Variants in DIRAS2 observed in about 807,000 individuals in gnomAD.
DIRAS2 encodes GTP-binding protein Di-Ras2.
DIRAS2 carries 5 observed loss-of-function variants against 13.9 expected under a neutral mutation model. The ratio of observed to expected loss-of-function variants is 0.36; its 90% confidence interval spans 0.19 to 0.76. The LOEUF (loss-of-function observed/expected upper bound fraction) is 0.76. Among genes scored for constraint, DIRAS2 ranks in the 30% least tolerant of loss-of-function variants. The probability of loss-of-function intolerance (pLI) is 0.53; values close to 1 mark genes in which losing one functional copy is unlikely to be tolerated. For missense variants in DIRAS2, 191 were observed against 263.0 expected (o/e 0.73, Z 1.89); for synonymous variants, 111 against 105.4 (o/e 1.05, Z -0.33).
intron 1 of DIRAS2, among the ~76,000 whole-genome samples, chr9:90,627,961 T>C (rs901074980): frequency 1.3e-5 from 2 of 151,952 alleles, no homozygotes; most frequent in Admixed American, 6.6e-5. Flanking sequence ...CAAACCACCA[T>C]GGCACGTGTA....
Position 90,613,640 on chromosome 9 carries a change from G to A in DIRAS2, c.188C>T (p.Thr63Met), listed in dbSNP as rs775534494. ...SICTLQITDT[T>M]GSHQFPAMQR... is the part of the protein sequence containing the mutation. ...CATGGCCGGGAACTGGTGGCTCCCC[G>A]TCGTGTCGGTGATCTGCAATGTGCA... The change falls in exon 2 of 2, where the codon ACG becomes ATG. Residue 63 changes from threonine to methionine, a missense_variant. Coordinates refer to ENST00000375765, the MANE Select transcript of DIRAS2 (RefSeq NM_017594.5). This position sits in a 1 kb window ranked among gnomAD's most constrained non-coding sequence, Gnocchi z 5.6. 2 of 1,614,146 alleles carry A rather than the reference G, an allele frequency of 1.2e-6. No individual in the cohort carries two copies. The highest frequency in any genetic ancestry group is 1.7e-6 in the Non-Finnish European group (2 of 1,180,016).
rs1825115287 is a variant in DIRAS2 at position 90,611,698 on chromosome 9, C to G, written c.*1530G>C. On this transcript the variant is annotated 3_prime_UTR_variant, in exon 2 of 2. Coordinates refer to ENST00000375765, the MANE Select transcript of DIRAS2 (RefSeq NM_017594.5). ...CCACCCAACAGCCATGCAGCCCCCA[C>G]CCCCCCAGGCAGGCCCACGTGGGAC... is the stretch of plus-strand genomic sequence containing the variant. The G allele has an allele frequency of 6.6e-6, 1 of 152,174 alleles. No homozygotes were observed. Among genetic ancestry groups the G allele is most frequent in the African/African-American group, 2.4e-5 (1 of 41,402 alleles). 9.4% of individuals were successfully genotyped at this position (152,174 alleles called of 1,614,324 possible). A position where few individuals can be genotyped will look rare whatever the true frequency, so the allele number is the denominator to read the frequency against.
intron 1 of DIRAS2, among the ~76,000 whole-genome samples, chr9:90,637,427 A>G (rs1321322856): frequency 6.6e-6 from 1 of 152,224 alleles, no homozygotes; most frequent in Non-Finnish European, 1.5e-5. Flanking sequence ...GAACTGCAGA[A>G]TCAAACGGTA....
intron 1 of DIRAS2, among the ~76,000 whole-genome samples, chr9:90,614,579 T>A (rs991355097): frequency 1.3e-5 from 2 of 152,114 alleles, no homozygotes; most frequent in African/African-American, 2.4e-5. Flanking sequence ...ATTGTGGATG[T>A]CAATGCCCAT....
chr9:90,640,697 G>T (rs928058051), intron 1 of DIRAS2, among the ~76,000 whole-genome samples: 2 of 152,116 alleles, frequency 1.3e-5, no homozygotes, highest in African/African-American at 4.8e-5. Context: ...TGAGAATTGG[G>T]GATGGTTGTT....
intron 1 of DIRAS2, among the ~76,000 whole-genome samples, chr9:90,627,553 G>C (rs1445750168): frequency 6.6e-6 from 1 of 152,200 alleles, no homozygotes; most frequent in African/African-American, 2.4e-5. Context: ...TGTTTCATGA[G>C]TATGGAGTTT....
chr9:90,615,933 C>G (rs935718656), intron 1 of DIRAS2, among the ~76,000 whole-genome samples: 2 of 152,236 alleles, frequency 1.3e-5, no homozygotes, highest in African/African-American at 4.8e-5. Context: ...GGAATCTAAT[C>G]TTAAGCTTCT....
At chr9:90,619,738 T>G (rs1395777359) in intron 1 of DIRAS2, among the ~76,000 whole-genome samples, 2 of 152,124 alleles carry the variant, frequency 1.3e-5, no homozygotes, top group African/African-American at 2.4e-5. Flanking sequence ...ACACAAAAAT[T>G]TATACAATGA....
rs115116010 is a variant in DIRAS2, at chr9:90,610,067, A to G, written c.*3161T>C. On this transcript the variant is annotated 3_prime_UTR_variant, in exon 2 of 2. Coordinates refer to ENST00000375765, the MANE Select transcript of DIRAS2 (RefSeq NM_017594.5). The stretch of plus-strand genomic sequence containing the variant: ...TGTATACACACTGTCCTTGTGGGGT[A>G]TGAATTCCAGGATGTGTCTTCAAGG... The G allele has an allele frequency of 6.7e-4, 135 of 201,520 alleles. No homozygotes were observed. Among genetic ancestry groups the G allele is most frequent in the African/African-American group, 3.0e-3 (131 of 43,698 alleles). The allele number at this position is 201,520 out of a possible 1,614,324, so 12.5% of individuals were successfully genotyped here. A position where few individuals can be genotyped will look rare whatever the true frequency, so the allele number is the denominator to read the frequency against.
Position 90,637,605 on chromosome 9 carries a change from C to T in DIRAS2, c.-37+5147G>A, listed in dbSNP as rs182042577. On this transcript the variant is annotated intron_variant, in intron 1 of 1. Coordinates refer to ENST00000375765, the MANE Select transcript of DIRAS2 (RefSeq NM_017594.5). ...TTCCATTGAAACAAGATGTCTGTTTCTCATTACTGAATTAATTGCATTTGC... is the reference window on the plus strand; with the variant it reads ...TTCCATTGAAACAAGATGTCTGTTTTTCATTACTGAATTAATTGCATTTGC... 7.2e-5 allele frequency among the ~76,000 whole-genome samples: 11 copies of T among 152,352 alleles called. No homozygotes were observed. In the East Asian group the frequency reaches 1.9e-3, roughly 27 times the overall value.
chr9:90,620,156 G>A (rs690232), intron 1 of DIRAS2, among the ~76,000 whole-genome samples: 44,526 of 152,010 alleles, frequency 0.29, 6,560 homozygotes, highest in East Asian at 0.43. Flanking sequence ...ACTAAAAACC[G>A]CTGAAATGTA....
In DIRAS2 at chr9:90,613,451, C is replaced by A. The variant is rs747397458; in HGVS notation, c.377G>T (p.Ser126Ile). 3.1e-6 allele frequency: 5 copies of A among 1,614,112 alleles called. No individual in the cohort carries two copies. In the East Asian group the frequency reaches 6.7e-5, roughly 22 times the overall value. Residue 126 changes from serine (S) to isoleucine (I), a missense_variant, in exon 2 of 2, where the codon AGC (serine) becomes ATC (isoleucine). Physicochemically the swap from Ser to Ile is moderately radical, Grantham distance 142. Transcript: ENST00000375765. This position sits in a 1 kb window ranked among gnomAD's most constrained non-coding sequence, Gnocchi z 5.6. ...IMLVGNKCDESPSREVQSSEA... is the reference protein window; with the variant it reads ...IMLVGNKCDEIPSREVQSSEA... ...GCTGCTCTGCACCTCGCGGCTGGGG[C>A]TCTCATCACACTTGTTCCCCACCAG...
chr9:90,623,223 G>A (rs1161799403), intron 1 of DIRAS2, among the ~76,000 whole-genome samples: 1 of 151,930 alleles, frequency 6.6e-6, no homozygotes, highest in Non-Finnish European at 1.5e-5. Context: ...GCTGGTCTGT[G>A]GTTTTCCATT....
At chr9:90,632,998 ACCACGTG>A (rs1332191285) in intron 1 of DIRAS2, among the ~76,000 whole-genome samples, 1 of 152,104 alleles carries the variant, frequency 6.6e-6, no homozygotes, top group Non-Finnish European at 1.5e-5. Context: ...CCAGACCAAG[ACCACGTG>A]CCCCAGGCAG....
At chr9:90,622,004 G>C (rs184565050) in intron 1 of DIRAS2, among the ~76,000 whole-genome samples, 1 of 152,292 alleles carries the variant, frequency 6.6e-6, no homozygotes, top group African/African-American at 2.4e-5. Context: ...TATAATTCCA[G>C]CATTTAGGAG....
At chr9:90,630,750 C>T (rs1165879409) in intron 1 of DIRAS2, among the ~76,000 whole-genome samples, 1 of 152,194 alleles carries the variant, frequency 6.6e-6, no homozygotes, top group Non-Finnish European at 1.5e-5. Flanking sequence ...CAGTAGCATG[C>T]TATATAGCAG....
chr9:90,634,844 C>T (rs752441728), intron 1 of DIRAS2, among the ~76,000 whole-genome samples: 4 of 152,178 alleles, frequency 2.6e-5, no homozygotes, highest in East Asian at 1.9e-4. Context: ...CAATGGGCTT[C>T]GTGCCAAGTT....
At chr9:90,638,472 G>A (rs1323086096) in intron 1 of DIRAS2, among the ~76,000 whole-genome samples, 1 of 152,168 alleles carries the variant, frequency 6.6e-6, no homozygotes, top group Non-Finnish European at 1.5e-5. Context: ...ACATTTTGTG[G>A]TCTGCTACCA....
intron 1 of DIRAS2, among the ~76,000 whole-genome samples, chr9:90,641,591 G>GA (rs199555510): frequency 2.0e-5 from 3 of 151,230 alleles, no homozygotes; most frequent in Non-Finnish European, 4.4e-5. Flanking sequence ...CAACCAAGAA[G>GA]AAAAAAAAGT....
Sources: gnomAD v4.1 joint callset for allele counts (sites outside exome capture counted in the v4.1 genomes callset) on GRCh38, gnomAD v4.1.1 for gene constraint, Gnocchi (gnomAD v3.1) non-coding constraint, MANE v1.5 for transcripts, NCBI Gene and HGNC (gene_info 2026-07-23, HGNC 2026-07-21) for gene names.